Variants in STAU2 observed in about 807,000 individuals in gnomAD.
The protein encoded by STAU2 is double-stranded RNA-binding protein Staufen homolog 2.
STAU2 carries 20 observed loss-of-function variants against 65.9 expected under a neutral mutation model. The ratio of observed to expected loss-of-function variants is 0.30; its 90% CI spans 0.21 to 0.44. The LOEUF is 0.44. Ranked by LOEUF, STAU2 falls within the 20% of genes least tolerant of loss-of-function variation. The probability of loss-of-function intolerance (pLI) is 1.00; values close to 1 mark genes in which losing one functional copy is unlikely to be tolerated. For synonymous variants in STAU2, 232 were observed against 233.9 expected (o/e 0.99, Z 0.07); for missense variants, 558 against 683.9 (o/e 0.82, Z 2.05).
chr8:73,745,332 T>C (rs1347334996), intron 1 of STAU2, among the ~76,000 whole-genome samples: 1 of 152,236 alleles, frequency 6.6e-6, no homozygotes, highest in Non-Finnish European at 1.5e-5. Context: ...TTGGTTTTGG[T>C]AGTTTTATTA....
At chr8:73,691,451 C>G (rs992426549) in intron 4 of STAU2, among the ~76,000 whole-genome samples, 3 of 152,070 alleles carry the variant, frequency 2.0e-5, no homozygotes, top group African/African-American at 7.2e-5. Context: ...TTCCTGCCTC[C>G]TAATCATCCA....
chr8:73,528,172 T>C (rs993327116), intron 13 of STAU2, among the ~76,000 whole-genome samples: 4 of 152,174 alleles, frequency 2.6e-5, no homozygotes, highest in African/African-American at 9.7e-5. Flanking sequence ...TCAACCTGAA[T>C]TTTCTCTCTT....
chr8:73,530,503 A>G (rs559228833), intron 13 of STAU2, among the ~76,000 whole-genome samples: 1 of 152,302 alleles, frequency 6.6e-6, no homozygotes, highest in East Asian at 1.9e-4. Flanking sequence ...GCTAGTGGGT[A>G]GCTCTAAGAG....
intron 13 of STAU2, among the ~76,000 whole-genome samples, chr8:73,455,080 C>T (rs1818990865): frequency 6.6e-6 from 1 of 152,074 alleles, no homozygotes; most frequent in South Asian, 2.1e-4. Context: ...GCGGCATGAC[C>T]CTAGAATTCT....
intron 13 of STAU2, among the ~76,000 whole-genome samples, chr8:73,426,381 A>G (rs1197867810): frequency 6.6e-6 from 1 of 152,154 alleles, no homozygotes; most frequent in Non-Finnish European, 1.5e-5. Context: ...TAGTCTTTCT[A>G]CAGTGGTATA....
intron 9 of STAU2, among the ~76,000 whole-genome samples, chr8:73,607,590 A>G (rs1250356541): frequency 6.6e-6 from 1 of 151,916 alleles, no homozygotes; most frequent in East Asian, 1.9e-4. Flanking sequence ...ACAAAAAATT[A>G]GCCGGGCATG....
intron 5 of STAU2, among the ~76,000 whole-genome samples, chr8:73,687,300 TTATAAA>T (rs1445035639): frequency 9.3e-5 from 12 of 128,572 alleles, no homozygotes; most frequent in Admixed American, 4.1e-4. Flanking sequence ...ATATTTATAT[TTATAAA>T]TATAATTTAT....
chr8:73,637,588 G>A (rs1345406840), intron 6 of STAU2, among the ~76,000 whole-genome samples: 2 of 147,230 alleles, frequency 1.4e-5, no homozygotes, highest in Admixed American at 6.7e-5. Context: ...AAATAAAGAT[G>A]TTTTCAGTAA....
intron 12 of STAU2, among the ~76,000 whole-genome samples, chr8:73,552,665 A>G (rs1470969578): frequency 6.6e-6 from 1 of 152,188 alleles, no homozygotes; most frequent in Non-Finnish European, 1.5e-5. Flanking sequence ...CTGCAATTTA[A>G]TATTTTATAT....
In STAU2 at chr8:73,665,207, C is replaced by A. The variant is rs1817143090; in HGVS notation, c.410+7900G>T. Among the ~76,000 whole-genome samples, 6 of 152,160 alleles carry A rather than the reference C, an allele frequency of 3.9e-5. No homozygotes were observed. In the South Asian group the frequency reaches 1.2e-3, roughly 32 times the overall value. On this transcript the variant is annotated intron_variant, in intron 6 of 14. Coordinates refer to ENST00000524300, the MANE Select transcript of STAU2 (RefSeq NM_001164380.2). Reference sequence around the variant, plus strand: ...TTTAACATTAATGTTAATAATTTAACATTATTTTTAACAAAATATTTAAAA... The same window carrying A: ...TTTAACATTAATGTTAATAATTTAAAATTATTTTTAACAAAATATTTAAAA...
intron 11 of STAU2, among the ~76,000 whole-genome samples, chr8:73,584,844 G>A (rs1176200605): frequency 1.3e-5 from 2 of 152,150 alleles, no homozygotes; most frequent in Admixed American, 6.5e-5. Flanking sequence ...TCCAAGGGAT[G>A]AAAGAAATTT....
At chr8:73,606,137 T>C (rs1444891228) in intron 9 of STAU2, among the ~76,000 whole-genome samples, 2 of 151,740 alleles carry the variant, frequency 1.3e-5, no homozygotes, top group Non-Finnish European at 2.9e-5. Flanking sequence ...AGAAGAAAAA[T>C]TTTTGTAACT....
intron 13 of STAU2, among the ~76,000 whole-genome samples, chr8:73,476,915 A>G (rs1017961855): frequency 2.0e-5 from 3 of 152,224 alleles, no homozygotes; most frequent in African/African-American, 4.8e-5. Context: ...TAGTGAGAAT[A>G]TTGCATATAT....
chr8:73,699,948 C>T (rs1270270285), intron 4 of STAU2, among the ~76,000 whole-genome samples: 1 of 149,974 alleles, frequency 6.7e-6, no homozygotes, highest in African/African-American at 2.5e-5. Flanking sequence ...AAACCTAATC[C>T]AACAATACAT....
intron 6 of STAU2, among the ~76,000 whole-genome samples, chr8:73,647,356 C>T (rs1319439470): frequency 6.6e-6 from 1 of 152,162 alleles, no homozygotes; most frequent in Non-Finnish European, 1.5e-5. Flanking sequence ...AAGGGTTCAA[C>T]AAACTGTGGT....
At chr8:73,444,905 A>G (rs764091883) in intron 13 of STAU2, among the ~76,000 whole-genome samples, 1 of 152,244 alleles carries the variant, frequency 6.6e-6, no homozygotes, top group Non-Finnish European at 1.5e-5. Flanking sequence ...CAAGGGGCAC[A>G]TACTTTGTTA....
chr8:73,496,581 C>T (rs1229715570), intron 13 of STAU2, among the ~76,000 whole-genome samples: 1 of 151,690 alleles, frequency 6.6e-6, no homozygotes, highest in East Asian at 1.9e-4. Context: ...TAGACCAGCA[C>T]AGTCCAACAG....
At chr8:73,710,339 C>T (rs1443063037) in intron 3 of STAU2, among the ~76,000 whole-genome samples, 1 of 150,548 alleles carries the variant, frequency 6.6e-6, no homozygotes, top group African/African-American at 2.4e-5. Flanking sequence ...ATTTTCCCTA[C>T]TCAGCCTCCC....
At chr8:73,504,049 T>C (rs538428235) in intron 13 of STAU2, among the ~76,000 whole-genome samples, 1 of 152,258 alleles carries the variant, frequency 6.6e-6, no homozygotes, top group East Asian at 1.9e-4. Flanking sequence ...CATTATTTGG[T>C]GACCTTAATA....
Sources: allele counts gnomAD v4.1 joint callset (sites outside exome capture counted in the v4.1 genomes callset), GRCh38; gene constraint gnomAD v4.1.1; transcripts MANE v1.5; gene names NCBI Gene and HGNC (gene_info 2026-07-23, HGNC 2026-07-21).